Variants in VGLL3 observed in about 807,000 individuals in gnomAD.
VGLL3 encodes vestigial like family member 3, also known as transcription cofactor vestigial-like protein 3.
VGLL3 carries 18 observed loss-of-function variants against 29.2 expected under a neutral mutation model. That is an observed-to-expected ratio of 0.62 (90% CI 0.43 to 0.91). The LOEUF (loss-of-function observed/expected upper bound fraction) is 0.91, where lower values mean the gene tolerates loss of function less well. Ranked by LOEUF, VGLL3 falls within the 40% of genes least tolerant of loss-of-function variation. The pLI, the probability that VGLL3 is intolerant of heterozygous loss-of-function variation, is 0.00. For missense variants in VGLL3, 440 were observed against 413.2 expected, an observed-to-expected ratio of 1.06 and a Z score of -0.56; for synonymous variants, 180 against 151.8, an observed-to-expected ratio of 1.19 and a Z score of -1.36.
rs113835876 is a variant in VGLL3, at chr3:86,943,408, A to G, written c.*3616T>C. ...AAACTCAAAAGCTAGATAGGGTGACATATTCTGCAAATCTTAGAATAGGAA... is the reference window on the plus strand; with the variant it reads ...AAACTCAAAAGCTAGATAGGGTGACGTATTCTGCAAATCTTAGAATAGGAA... On this transcript the variant is annotated 3_prime_UTR_variant, in exon 4 of 4. Transcript: ENST00000398399. 9.2e-5 allele frequency: 14 copies of G among 152,168 alleles called. No individual in the cohort carries two copies. The highest frequency in any genetic ancestry group is 2.9e-4 in the African/African-American group (12 of 41,444). The allele number at this position is 152,168 out of a possible 1,614,324, so 9.4% of individuals were successfully genotyped here.
chr3:86,969,133 C>A lies in VGLL3; in HGVS notation c.404-10G>T. 6.5e-7 allele frequency: 1 copy of A among 1,545,946 alleles called. No homozygotes were observed. The highest frequency in any genetic ancestry group is 2.0e-5 in the Admixed American group (1 of 48,804). On this transcript the variant is annotated splice_polypyrimidine_tract_variant and intron_variant, in intron 2 of 3. Transcript: ENST00000398399. ...GAGAGAGCTGAGCTGTCTGAGAAGA[C>A]AGAAAATAAAAAACATTATTAACAT...
chr3:86,980,496 A>T (rs1034529751), intron 1 of VGLL3, among the ~76,000 whole-genome samples: 2 of 152,254 alleles, frequency 1.3e-5, no homozygotes, highest in East Asian at 3.9e-4. Flanking sequence ...TAGATAATTC[A>T]TACTTTGTAA....
At position 86,968,816 on chromosome 3, in the gene VGLL3, G is replaced by C. The variant is rs1440490116; in HGVS notation, c.711C>G (p.His237Gln). 1 of 1,614,188 alleles carries C rather than the reference G, an allele frequency of 6.2e-7. No individual in the cohort carries two copies. The highest frequency in any genetic ancestry group is 1.7e-5 in the Admixed American group (1 of 60,022). The change falls in exon 3 of 4, where the codon CAC becomes CAG. Residue 237 changes from histidine to glutamine, a missense_variant. By Grantham distance (24) the His-to-Gln change is conservative (BLOSUM62 0). Transcript: ENST00000398399. ...MRHHHPHAHM[H>Q]HRHRHHHHHH... ...GGTGATGATGGTGGCGGTGGCGGTG[G>C]TGCATGTGGGCATGAGGGTGGTGGT... is the stretch of plus-strand genomic sequence containing the variant.
chr3:86,950,674 C>T (rs901242857), intron 3 of VGLL3, among the ~76,000 whole-genome samples: 3 of 152,122 alleles, frequency 2.0e-5, no homozygotes, highest in African/African-American at 7.2e-5. Context: ...CTCCATTTGT[C>T]ACATTTTTCC....
At position 86,978,534 on chromosome 3, in the gene VGLL3, A is replaced by G. The variant is rs1705255070; in HGVS notation, c.395T>C (p.Leu132Pro). The G allele has an allele frequency of 6.2e-7, 1 of 1,613,970 alleles. No homozygotes were observed. The highest frequency in any genetic ancestry group is 8.5e-7 in the Non-Finnish European group (1 of 1,179,986). The change falls in exon 2 of 4, where the codon CTA becomes CCA. Residue 132 changes from leucine to proline, a missense_variant. Physicochemically the swap from Leu to Pro is moderately conservative, Grantham distance 98. Coordinates refer to ENST00000398399, the MANE Select transcript of VGLL3 (RefSeq NM_016206.4). ...ISKSKMGLTP[L>P]WRDSSALSSQ... ...TGCTTTTGAATTCTTACCTCGCCAT[A>G]GGGGGGTTAGCCCCATCTTGCTTTT...
intron 3 of VGLL3, among the ~76,000 whole-genome samples, chr3:86,966,773 G>GTATATATATATA (rs55986686): frequency 2.6e-5 from 1 of 37,984 alleles, no homozygotes; most frequent in African/African-American, 9.1e-5. Context: ...GTGTGTGTGT[G>GTATATATATATA]TATATATATA....
intron 1 of VGLL3, among the ~76,000 whole-genome samples, chr3:86,984,231 T>C (rs1314534225): frequency 6.6e-6 from 1 of 152,234 alleles, no homozygotes; most frequent in Non-Finnish European, 1.5e-5. Flanking sequence ...ACAATTTTTC[T>C]GAAAATCTTA....
chr3:86,956,579 G>A (rs1704727219), intron 3 of VGLL3, among the ~76,000 whole-genome samples: 1 of 152,130 alleles, frequency 6.6e-6, no homozygotes, highest in South Asian at 2.1e-4. Flanking sequence ...GAGGTCAGGA[G>A]ATCGAGATCA....
rs1704939548 is a variant in VGLL3, at chr3:86,965,503, T to C, written c.937+3087A>G. 2.0e-5 allele frequency among the ~76,000 whole-genome samples: 3 copies of C among 152,174 alleles called. No homozygotes were observed. The South Asian group carries it at 6.2e-4, about 31-fold the overall frequency. The stretch of plus-strand genomic sequence containing the variant: ...CCTACTATGCAGAAACTTCTGTTCA[T>C]TTAAAAGGAGTTGGAAAAGTGGTAC... On this transcript the variant is annotated intron_variant, in intron 3 of 3. Coordinates refer to ENST00000398399, the MANE Select transcript of VGLL3 (RefSeq NM_016206.4).
intron 1 of VGLL3, among the ~76,000 whole-genome samples, chr3:86,981,346 A>G (rs1408483066): frequency 3.3e-5 from 5 of 152,074 alleles, no homozygotes; most frequent in Non-Finnish European, 7.4e-5. Context: ...ATGGTTGGAT[A>G]GAAATAAACT....
chr3:86,960,356 C>T (rs774403084), intron 3 of VGLL3, among the ~76,000 whole-genome samples: 1 of 152,086 alleles, frequency 6.6e-6, no homozygotes, highest in South Asian at 2.1e-4. Flanking sequence ...CACAAGCTGT[C>T]CATGAAGAGA....
intron 2 of VGLL3, among the ~76,000 whole-genome samples, chr3:86,976,573 T>C (rs766452558): frequency 6.6e-6 from 1 of 152,236 alleles, no homozygotes; most frequent in Non-Finnish European, 1.5e-5. Context: ...GTAGTAGTTA[T>C]GAAAACATTG....
chr3:86,978,657 A>G lies in VGLL3; in HGVS notation c.272T>C (p.Phe91Ser). The change falls in exon 2 of 4, where the codon TTC becomes TCC. Residue 91 changes from phenylalanine to serine, a missense_variant. By Grantham distance (155) the Phe-to-Ser change is radical. Coordinates refer to ENST00000398399, the MANE Select transcript of VGLL3 (RefSeq NM_016206.4). ...MEYLNSRCVL[F>S]TYFQGDIGSV... ...CCCAATGTCTCCCTGGAAATAAGTGAAAAGGACACAGCGAGAGTTAAGGTA... is the reference window on the plus strand; with the variant it reads ...CCCAATGTCTCCCTGGAAATAAGTGGAAAGGACACAGCGAGAGTTAAGGTA... 2 of 1,614,130 alleles carry G rather than the reference A, an allele frequency of 1.2e-6. No individual in the cohort carries two copies. Among genetic ancestry groups the G allele is most frequent in the Non-Finnish European group, 1.7e-6 (2 of 1,180,026 alleles).
chr3:86,955,247 C>A (rs1464954499), intron 3 of VGLL3, among the ~76,000 whole-genome samples: 8 of 152,076 alleles, frequency 5.3e-5, no homozygotes, highest in African/African-American at 1.7e-4. Context: ...CATTTTAATG[C>A]CTATTTGATA....
chr3:86,987,810 A>T (rs1334422432), intron 1 of VGLL3, among the ~76,000 whole-genome samples: 1 of 152,164 alleles, frequency 6.6e-6, no homozygotes, highest in Non-Finnish European at 1.5e-5. Context: ...AAGCTAATAT[A>T]TATATACAGT....
chr3:86,980,201 G>A (rs559905573), intron 1 of VGLL3, among the ~76,000 whole-genome samples: 1 of 149,096 alleles, frequency 6.7e-6, no homozygotes, highest in African/African-American at 2.5e-5. Context: ...AATCACTCCA[G>A]AATACCCAGT....
chr3:86,951,649 T>C (rs1704620357), intron 3 of VGLL3, among the ~76,000 whole-genome samples: 1 of 152,010 alleles, frequency 6.6e-6, no homozygotes. Context: ...AATAAGAAAA[T>C]AGAAATGGCA....
Position 86,978,692 on chromosome 3 carries a change from G to T in VGLL3, c.237C>A (p.Ala79=), listed in dbSNP as rs749196092. The T allele has an allele frequency of 2.5e-6, 4 of 1,613,930 alleles. No individual in the cohort carries two copies. Among genetic ancestry groups the T allele is most frequent in the Admixed American group, 1.7e-5 (1 of 59,966 alleles). ...EEEEEEKDQP[A]EMEYLNSRCV... ...AGCGAGAGTTAAGGTACTCCATCTC[G>T]GCAGGCTGGTCTTTCTCCTCCTCCT... Residue 79 remains alanine (A), a synonymous_variant, in exon 2 of 4, where the codon GCC becomes GCA. Coordinates refer to ENST00000398399, the MANE Select transcript of VGLL3 (RefSeq NM_016206.4).
intron 3 of VGLL3, among the ~76,000 whole-genome samples, chr3:86,959,820 T>G (rs143818745): frequency 6.6e-6 from 1 of 152,242 alleles, no homozygotes; most frequent in East Asian, 1.9e-4. Flanking sequence ...TTGTAGAACT[T>G]TCCTGCAACT....
Sources: allele counts gnomAD v4.1 joint callset (sites outside exome capture counted in the v4.1 genomes callset), GRCh38; gene constraint gnomAD v4.1.1; transcripts MANE v1.5; gene names NCBI Gene and HGNC (gene_info 2026-07-23, HGNC 2026-07-21).